Variants in EPHA3 observed in about 807,000 individuals in gnomAD.
EPHA3 encodes the protein EPH receptor A3, also known as ephrin type-A receptor 3.
Under a neutral mutation model 107.1 loss-of-function variants are expected in EPHA3, and 42 were observed. The observed-to-expected ratio is 0.39, with a 90% CI of 0.31 to 0.51. EPHA3 has a LOEUF of 0.51. Ranked by LOEUF, EPHA3 falls within the 20% of genes least tolerant of loss-of-function variation. The pLI is 0.78. For missense variants in EPHA3, 1,183 were observed against 1,211.2 expected, an observed-to-expected ratio of 0.98 and a Z score of 0.35; for synonymous variants, 461 against 424.8, an observed-to-expected ratio of 1.09 and a Z score of -1.05.
Position 89,340,308 on chromosome 3 carries a change from T to C in EPHA3, c.815-608T>C, listed in dbSNP as rs549760185. ...TGTATATCCCTCTGTATTTCAGATA[T>C]AGACAAAGGAATATATTTAAATCTT... On this transcript the variant is annotated intron_variant, in intron 3 of 16. Transcript: ENST00000336596. 8.5e-5 allele frequency among the ~76,000 whole-genome samples: 13 copies of C among 152,320 alleles called. 1 individual carries two copies. Among genetic ancestry groups the C allele is most frequent in the African/African-American group, 2.9e-4 (12 of 41,584 alleles).
intron 13 of EPHA3, among the ~76,000 whole-genome samples, chr3:89,445,531 C>T (rs567276510): frequency 9.5e-4 from 144 of 152,160 alleles, no homozygotes; most frequent in Non-Finnish European, 1.4e-3. Flanking sequence ...GGATAAATTA[C>T]GGAAACATTT....
chr3:89,272,641 T>C (rs1215321875), intron 3 of EPHA3, among the ~76,000 whole-genome samples: 2 of 151,970 alleles, frequency 1.3e-5, no homozygotes, highest in Non-Finnish European at 2.9e-5. Context: ...TATGTGATAA[T>C]TGCACTTTAA....
intron 6 of EPHA3, among the ~76,000 whole-genome samples, chr3:89,398,502 T>C (rs1708892969): frequency 6.6e-6 from 1 of 152,166 alleles, no homozygotes; most frequent in African/African-American, 2.4e-5. Flanking sequence ...TTAGATTAAA[T>C]ACAGCACAAA....
intron 2 of EPHA3, among the ~76,000 whole-genome samples, chr3:89,152,120 C>A (rs1704702928): frequency 6.6e-6 from 1 of 151,950 alleles, no homozygotes; most frequent in African/African-American, 2.4e-5. Context: ...TATTTTAATT[C>A]ATTTTTCTGT....
chr3:89,137,134 GAA>G (rs1349468758), intron 2 of EPHA3, among the ~76,000 whole-genome samples: 1 of 151,888 alleles, frequency 6.6e-6, no homozygotes, highest in East Asian at 1.9e-4. Flanking sequence ...ATGGCAGACT[GAA>G]TAGGTTTGTG....
chr3:89,196,912 T>G (rs1705849290), intron 2 of EPHA3, among the ~76,000 whole-genome samples: 1 of 152,140 alleles, frequency 6.6e-6, no homozygotes, highest in South Asian at 2.1e-4. Flanking sequence ...ATTTTCTTCC[T>G]ATTTCCACCA....
At chr3:89,387,471 G>C (rs1301244854) in intron 5 of EPHA3, among the ~76,000 whole-genome samples, 1 of 152,136 alleles carries the variant, frequency 6.6e-6, no homozygotes. Flanking sequence ...TCACCCCTGA[G>C]TAACTATGTC....
chr3:89,160,843 C>T (rs1704920355), intron 2 of EPHA3, among the ~76,000 whole-genome samples: 1 of 152,068 alleles, frequency 6.6e-6, no homozygotes, highest in South Asian at 2.1e-4. Flanking sequence ...AATATTTCTA[C>T]ATTAAAAACA....
chr3:89,444,917 C>A (rs573466551), intron 13 of EPHA3, among the ~76,000 whole-genome samples: 33 of 152,190 alleles, frequency 2.2e-4, no homozygotes, highest in Middle Eastern at 3.4e-3. Context: ...AATGGAAATT[C>A]TCTAATGAAA....
At chr3:89,326,524 G>A (rs1011001477) in intron 3 of EPHA3, among the ~76,000 whole-genome samples, 1 of 151,922 alleles carries the variant, frequency 6.6e-6, no homozygotes, top group African/African-American at 2.4e-5. Flanking sequence ...TGAGTAGCTA[G>A]GACTACAGGC....
chr3:89,350,667 C>T lies in EPHA3; in HGVS notation c.1306+8577C>T, dbSNP rs539520432. 3.4e-4 allele frequency among the ~76,000 whole-genome samples: 51 copies of T among 151,254 alleles called. 1 individual carries two copies. The South Asian group carries it at 8.8e-3, about 26-fold the overall frequency. On this transcript the variant is annotated intron_variant, in intron 5 of 16. Transcript: ENST00000336596. ...TTGTTCCATTGCTGGTGAGGAACTG[C>T]GTTCCTTTGGAGGAGGAGAGGCGCT...
chr3:89,139,987 C>T (rs1163514541), intron 2 of EPHA3, among the ~76,000 whole-genome samples: 2 of 151,768 alleles, frequency 1.3e-5, no homozygotes, highest in African/African-American at 2.4e-5. Flanking sequence ...CTTTTCTCAG[C>T]AGGTGAAAAA....
At chr3:89,129,541 A>T (rs370624715) in intron 2 of EPHA3, among the ~76,000 whole-genome samples, 1 of 151,986 alleles carries the variant, frequency 6.6e-6, no homozygotes, top group Non-Finnish European at 1.5e-5. Context: ...TTTCCCACAT[A>T]TAAAGTTAAC....
intron 2 of EPHA3, among the ~76,000 whole-genome samples, chr3:89,147,412 A>G (rs1164502055): frequency 6.6e-6 from 1 of 151,922 alleles, no homozygotes; most frequent in African/African-American, 2.4e-5. Context: ...CTTACAATAA[A>G]GTTGCTAAGA....
intron 5 of EPHA3, among the ~76,000 whole-genome samples, chr3:89,369,174 A>C (rs1019583574): frequency 3.3e-5 from 5 of 150,928 alleles, no homozygotes; most frequent in African/African-American, 1.2e-4. Context: ...ACAACAAAAA[A>C]AGAGCCCGCA....
At chr3:89,113,603 A>C (rs1439955412) in intron 1 of EPHA3, among the ~76,000 whole-genome samples, 1 of 151,900 alleles carries the variant, frequency 6.6e-6, no homozygotes, top group Non-Finnish European at 1.5e-5. Flanking sequence ...GAAGTAGAGA[A>C]AAGCAAAGGT....
intron 5 of EPHA3, among the ~76,000 whole-genome samples, chr3:89,388,715 T>C (rs1708670729): frequency 6.6e-6 from 1 of 152,232 alleles, no homozygotes; most frequent in South Asian, 2.1e-4. Flanking sequence ...TTTTGTATCC[T>C]ACTGTAGTCC....
rs1269492070 is a variant in EPHA3, at chr3:89,413,151, A to G, written c.1773A>G (p.Pro591=). The G allele has an allele frequency of 6.2e-7, 1 of 1,611,204 alleles. No homozygotes were observed. Among genetic ancestry groups the G allele is most frequent in the Non-Finnish European group, 8.5e-7 (1 of 1,178,044 alleles). Residue 591 remains proline (P), a synonymous_variant, in exon 10 of 17, where the codon CCA becomes CCG. Transcript: ENST00000336596. Reference sequence around the variant, plus strand: ...TCTTTCCTCAAACAGTAAAACTTCCAGGTCTCAGGACTTATGTTGACCCAC... The same window carrying G: ...TCTTTCCTCAAACAGTAAAACTTCCGGGTCTCAGGACTTATGTTGACCCAC... ...LHFGNGHLKL[P]GLRTYVDPHT...
At chr3:89,445,003 C>A (rs1709853519) in intron 13 of EPHA3, among the ~76,000 whole-genome samples, 1 of 152,252 alleles carries the variant, frequency 6.6e-6, no homozygotes, top group East Asian at 1.9e-4. Context: ...ATGGCTCACA[C>A]CTGTGTAACA....
Sources: gnomAD v4.1 joint callset for allele counts (sites outside exome capture counted in the v4.1 genomes callset) on GRCh38, gnomAD v4.1.1 for gene constraint, MANE v1.5 for transcripts, NCBI Gene and HGNC (gene_info 2026-07-23, HGNC 2026-07-21) for gene names.